Variants in NUP133 observed in about 807,000 individuals in gnomAD.
NUP133 encodes the protein nucleoporin 133.
In NUP133, 66 loss-of-function variants were observed where a neutral mutation model predicts 146.2. The ratio of observed to expected loss-of-function variants is 0.45; its 90% CI spans 0.37 to 0.55. The LOEUF is 0.55. NUP133 is among the 20% of genes least tolerant of loss of function. The pLI is 0.00. For missense variants in NUP133, 1,277 were observed against 1,374.8 expected, an observed-to-expected ratio of 0.93 and a Z score of 1.12; for synonymous variants, 521 against 498.8, an observed-to-expected ratio of 1.04 and a Z score of -0.59.
intron 12 of NUP133, among the ~76,000 whole-genome samples, chr1:229,483,392 C>T (rs1213494372): frequency 2.6e-5 from 4 of 152,138 alleles, no homozygotes; most frequent in Non-Finnish European, 2.9e-5. Flanking sequence ...TGAGCCACCA[C>T]ACCAGGCCAT....
chr1:229,491,084 CA>C (rs1056185173), intron 8 of NUP133, among the ~76,000 whole-genome samples: 4 of 152,130 alleles, frequency 2.6e-5, no homozygotes, highest in Non-Finnish European at 5.9e-5. Flanking sequence ...CAGGGATTGG[CA>C]AAGTACAGCC....
intron 2 of NUP133, among the ~76,000 whole-genome samples, 170 bp downstream of exon 2, chr1:229,505,870 A>G (rs1212031423): frequency 1.3e-5 from 2 of 152,174 alleles, no homozygotes; most frequent in Non-Finnish European, 2.9e-5. Flanking sequence ...CCTGGGTGAC[A>G]GAGTGAGACT....
chr1:229,458,131 T>G, intron 21 of NUP133, 30 bp downstream of exon 21: 1 of 1,600,102 alleles, frequency 6.2e-7, no homozygotes, highest in Non-Finnish European at 8.5e-7. Context: ...CATGACCAAT[T>G]TGTAAATCCT....
At chr1:229,464,599 C>G (rs935210888) in intron 18 of NUP133, 25 bp downstream of exon 18, 3 of 1,608,942 alleles carry the variant, frequency 1.9e-6, no homozygotes, top group Non-Finnish European at 2.6e-6. Flanking sequence ...AAATTTAAAA[C>G]TCTTGCCAAG....
intron 21 of NUP133, among the ~76,000 whole-genome samples, chr1:229,453,674 A>C (rs888983891): frequency 9.2e-5 from 14 of 152,234 alleles, no homozygotes; most frequent in Non-Finnish European, 2.1e-4. Flanking sequence ...ACTTGCCCAC[A>C]ATAGCAATAG....
intron 24 of NUP133, among the ~76,000 whole-genome samples, chr1:229,445,360 A>G (rs61824298): frequency 0.037 from 5,650 of 152,300 alleles, 138 homozygotes; most frequent in Non-Finnish European, 0.058. Flanking sequence ...AGTAAGTAAC[A>G]TATTCAGTAT....
rs189687023 is a variant in NUP133 at position 229,455,732 on chromosome 1, T to C, written c.2980+2429A>G. Among the ~76,000 whole-genome samples, 16 of 152,308 alleles carry C rather than the reference T, an allele frequency of 1.1e-4. No individual in the cohort carries two copies. In the South Asian group the frequency reaches 1.7e-3, roughly 16 times the overall value. Reference sequence around the variant, plus strand: ...GTAATTTTTTTTCAGCATATGAAGGTTGCAGACATCATGACATTTCATTTC... The same window carrying C: ...GTAATTTTTTTTCAGCATATGAAGGCTGCAGACATCATGACATTTCATTTC... On this transcript the variant is annotated intron_variant, in intron 21 of 25. Transcript: ENST00000261396.
intron 21 of NUP133, among the ~76,000 whole-genome samples, chr1:229,454,097 T>C (rs1365262594): frequency 6.6e-6 from 1 of 152,164 alleles, no homozygotes; most frequent in African/African-American, 2.4e-5. Flanking sequence ...CAAATGGAAA[T>C]GATGTAAAAG....
At chr1:229,496,176 G>C (rs1339075643) in intron 6 of NUP133, 129 bp from the exon 7 acceptor site, 2 of 752,770 alleles carry the variant, frequency 2.7e-6, no homozygotes, top group Non-Finnish European at 3.9e-6. Flanking sequence ...GGGATTTAAA[G>C]AAAGTAGTGA....
At chr1:229,473,331 A>G (rs1480720377) in intron 14 of NUP133, among the ~76,000 whole-genome samples, 1 of 152,162 alleles carries the variant, frequency 6.6e-6, no homozygotes, top group Admixed American at 6.5e-5. Flanking sequence ...CTTCCTCATT[A>G]GTTAAATGAG....
At position 229,470,806 on chromosome 1, in the gene NUP133, T is replaced by C. The variant is rs1282256261; in HGVS notation, c.1852-2A>G. 1.9e-6 allele frequency: 3 copies of C among 1,612,412 alleles called. No homozygotes were observed. Among genetic ancestry groups the C allele is most frequent in the Non-Finnish European group, 2.5e-6 (3 of 1,179,330 alleles). On this transcript the variant is annotated splice_acceptor_variant, in intron 14 of 25. Transcript: ENST00000261396. LOFTEE classifies it high-confidence loss of function. ...GCCTAGACGTCCAAATAAGCCAACC[T>C]TGCAAAAAGGCAAACACATATTCTC...
chr1:229,497,209 T>G (rs1478928511), intron 6 of NUP133, among the ~76,000 whole-genome samples: 4 of 151,964 alleles, frequency 2.6e-5, no homozygotes, highest in Non-Finnish European at 4.4e-5. Context: ...GGGATGGAAA[T>G]GAGATTGGAT....
At chr1:229,445,855 T>A (rs1003413925) in intron 24 of NUP133, among the ~76,000 whole-genome samples, 1 of 152,196 alleles carries the variant, frequency 6.6e-6, no homozygotes, top group African/African-American at 2.4e-5. Flanking sequence ...ACAGCAATTT[T>A]AACTATTTTG....
intron 19 of NUP133, among the ~76,000 whole-genome samples, chr1:229,462,104 G>C (rs1283785212): frequency 6.6e-6 from 1 of 152,122 alleles, no homozygotes; most frequent in Non-Finnish European, 1.5e-5. Context: ...GGCTGGTCTC[G>C]AACTCCTGAC....
intron 13 of NUP133, 73 bp from the exon 14 acceptor site, chr1:229,475,805 C>A: frequency 8.2e-7 from 1 of 1,223,082 alleles, no homozygotes; most frequent in South Asian, 1.2e-5. Context: ...CAGTGGCTAA[C>A]TGCTATTAAA....
At chr1:229,507,813 T>C in intron 1 of NUP133, 2 of 637,224 alleles carry the variant, frequency 3.1e-6, no homozygotes, top group Non-Finnish European at 3.9e-6. Context: ...AGGTAAACAC[T>C]GATGCAAATC....
At chr1:229,478,301 T>A (rs139128771) in intron 12 of NUP133, among the ~76,000 whole-genome samples, 391 of 151,974 alleles carry the variant, frequency 2.6e-3, no homozygotes, top group African/African-American at 9.1e-3. Context: ...ATTGAATACT[T>A]AGAACATGCT....
rs376036942 is a variant in NUP133, at chr1:229,444,138, C to T, written c.3334+776G>A. Among the ~76,000 whole-genome samples the T allele has an allele frequency of 2.7e-4, 41 of 152,056 alleles. No homozygotes were observed. The East Asian group carries it at 7.4e-3, about 27-fold the overall frequency. On this transcript the variant is annotated intron_variant, in intron 25 of 25. Coordinates refer to ENST00000261396, the MANE Select transcript of NUP133 (RefSeq NM_018230.3). ...ACGAGGTCAGGAGTTCGAGGCCAGC[C>T]TGACCAACATGGTGAAACCCTGTCT...
chr1:229,490,207 G>A, intron 8 of NUP133, 105 bp from the exon 9 acceptor site: 1 of 958,492 alleles, frequency 1.0e-6, no homozygotes, highest in Non-Finnish European at 1.4e-6. Flanking sequence ...TCCCATTCGT[G>A]GACACCTATC....
Sources: allele counts gnomAD v4.1 joint callset (sites outside exome capture counted in the v4.1 genomes callset), GRCh38; gene constraint gnomAD v4.1.1; transcripts MANE v1.5; gene names NCBI Gene and HGNC (gene_info 2026-07-23, HGNC 2026-07-21).